RASGEF1C: variants seen among roughly 807,000 people sequenced by gnomAD.
The protein encoded by RASGEF1C is ras-GEF domain-containing family member 1C.
RASGEF1C carries 27 observed loss-of-function variants against 58.1 expected under a neutral mutation model. The observed-to-expected ratio is 0.46, with a 90% CI of 0.34 to 0.64. The LOEUF is 0.64. Among genes scored for constraint, RASGEF1C ranks in the 30% least tolerant of loss-of-function variants. RASGEF1C has a pLI of 0.01. For missense variants in RASGEF1C, 502 were observed against 605.1 expected, an observed-to-expected ratio of 0.83 and a Z score of 1.79; for synonymous variants, 243 against 246.3, an observed-to-expected ratio of 0.99 and a Z score of 0.13.
chr5:180,199,690 C>A (rs558687215), intron 1 of RASGEF1C, among the ~76,000 whole-genome samples: 1 of 146,002 alleles, frequency 6.8e-6, no homozygotes, highest in Non-Finnish European at 1.5e-5. Context: ...CCTTCCCCTC[C>A]CCTCCCTCCC....
intron 1 of RASGEF1C, among the ~76,000 whole-genome samples, chr5:180,163,799 G>A (rs1309219823): frequency 6.6e-6 from 1 of 152,186 alleles, no homozygotes; most frequent in East Asian, 1.9e-4. Flanking sequence ...GAAAGCGACA[G>A]TATAGAATTG....
At chr5:180,181,781 A>G (rs1017959446) in intron 1 of RASGEF1C, among the ~76,000 whole-genome samples, 3 of 152,188 alleles carry the variant, frequency 2.0e-5, no homozygotes, top group Non-Finnish European at 4.4e-5. Context: ...AGCCCTAGGA[A>G]AGTGATACAA....
intron 1 of RASGEF1C, among the ~76,000 whole-genome samples, chr5:180,152,464 C>CAT (rs1766768496): frequency 6.8e-6 from 1 of 147,360 alleles, no homozygotes. Flanking sequence ...ATCGCAAGGA[C>CAT]AAAAAGCCAA....
At chr5:180,149,080 TTTTTTTTC>T (rs1766705426) in intron 1 of RASGEF1C, among the ~76,000 whole-genome samples, 1 of 96,362 alleles carries the variant, frequency 1.0e-5, no homozygotes, top group African/African-American at 3.6e-5. Flanking sequence ...TTTCTTTTCT[TTTTTTTTC>T]TTTTTTTTTT....
intron 1 of RASGEF1C, among the ~76,000 whole-genome samples, chr5:180,184,798 T>A (rs1477636702): frequency 6.6e-6 from 1 of 152,178 alleles, no homozygotes; most frequent in African/African-American, 2.4e-5. Flanking sequence ...AATAATAGGA[T>A]AGTAAAGAAG....
chr5:180,139,638 AAG>A (rs1189247703), intron 1 of RASGEF1C, among the ~76,000 whole-genome samples: 1 of 152,234 alleles, frequency 6.6e-6, no homozygotes, highest in African/African-American at 2.4e-5. Flanking sequence ...ACAATGCTGT[AAG>A]TGTTCAATTT....
At chr5:180,174,011 G>GTCTCAGAA (rs1767168449) in intron 1 of RASGEF1C, among the ~76,000 whole-genome samples, 1 of 151,806 alleles carries the variant, frequency 6.6e-6, no homozygotes. Context: ...CGTGGGGATG[G>GTCTCAGAA]TCTCAGAAAG....
chr5:180,142,514 T>C (rs947900542), intron 1 of RASGEF1C, among the ~76,000 whole-genome samples: 2 of 152,178 alleles, frequency 1.3e-5, no homozygotes, highest in African/African-American at 4.8e-5. Context: ...GAAAGGCCCT[T>C]GCTTCAGCAT....
intron 1 of RASGEF1C, among the ~76,000 whole-genome samples, chr5:180,183,894 G>T (rs780913871): frequency 6.6e-6 from 1 of 151,952 alleles, no homozygotes; most frequent in Admixed American, 6.6e-5. Context: ...ACAGCCGGCC[G>T]GGTGTGATGG....
chr5:180,134,654 A>G (rs1355854267), intron 4 of RASGEF1C, among the ~76,000 whole-genome samples: 2 of 149,510 alleles, frequency 1.3e-5, no homozygotes, highest in Admixed American at 6.6e-5. Flanking sequence ...TCCTTCTAAC[A>G]TCTGCCCACT....
chr5:180,157,924 C>T (rs1241457257), intron 1 of RASGEF1C, among the ~76,000 whole-genome samples: 1 of 152,088 alleles, frequency 6.6e-6, no homozygotes, highest in East Asian at 1.9e-4. Context: ...ATGTACAACA[C>T]CAAGCATGAC....
chr5:180,145,062 G>T (rs1766642375), intron 1 of RASGEF1C, among the ~76,000 whole-genome samples: 1 of 152,148 alleles, frequency 6.6e-6, no homozygotes, highest in Non-Finnish European at 1.5e-5. Flanking sequence ...GTGGGCAGTG[G>T]GGGTTGTTTC....
chr5:180,122,832 A>G (rs1766198913), intron 6 of RASGEF1C, among the ~76,000 whole-genome samples: 1 of 152,006 alleles, frequency 6.6e-6, no homozygotes. Flanking sequence ...AGAGGGGAAG[A>G]TGGAATGGGG....
At chr5:180,138,763 C>T (rs1024166583) in intron 1 of RASGEF1C, among the ~76,000 whole-genome samples, 2 of 152,184 alleles carry the variant, frequency 1.3e-5, no homozygotes, top group Admixed American at 6.5e-5. Context: ...CCTATCACAC[C>T]CCATTGCTCT....
chr5:180,114,957 G>A (rs1179923119), intron 10 of RASGEF1C, among the ~76,000 whole-genome samples: 1 of 152,162 alleles, frequency 6.6e-6, no homozygotes, highest in East Asian at 1.9e-4. Context: ...TGCAGTCCCT[G>A]CTGAACACAC....
intron 1 of RASGEF1C, among the ~76,000 whole-genome samples, chr5:180,190,210 G>A (rs4700911): frequency 0.57 from 86,270 of 151,524 alleles, 25,323 homozygotes; most frequent in Non-Finnish European, 0.66. Flanking sequence ...ATAATAGGCC[G>A]GGCACGGTGG....
chr5:180,154,408 ACT>A (rs1766819877), intron 1 of RASGEF1C, among the ~76,000 whole-genome samples: 1 of 151,746 alleles, frequency 6.6e-6, no homozygotes, highest in South Asian at 2.1e-4. Context: ...GAAGAAATAC[ACT>A]CTATCATTCT....
chr5:180,190,300 A>C (rs1046138317), intron 1 of RASGEF1C, among the ~76,000 whole-genome samples: 7 of 151,840 alleles, frequency 4.6e-5, no homozygotes, highest in Non-Finnish European at 7.4e-5. Flanking sequence ...ATCCTGGCTA[A>C]CACGGTGAAA....
chr5:180,152,014 A>G (rs1766752663), intron 1 of RASGEF1C, among the ~76,000 whole-genome samples: 1 of 149,694 alleles, frequency 6.7e-6, no homozygotes, highest in South Asian at 2.1e-4. Context: ...CAAAACCACA[A>G]TGAGATACCA....
Sources: allele counts gnomAD v4.1 joint callset (sites outside exome capture counted in the v4.1 genomes callset), GRCh38; gene constraint gnomAD v4.1.1; transcripts MANE v1.5; gene names NCBI Gene and HGNC (gene_info 2026-07-23, HGNC 2026-07-21).